Variants in TMEM231 observed in about 807,000 individuals in gnomAD.
TMEM231 encodes transmembrane protein 231.
Under a neutral mutation model 38.5 loss-of-function variants are expected in TMEM231, and 40 were observed. The ratio of observed to expected loss-of-function variants is 1.04; its 90% CI spans 0.81 to 1.35. The LOEUF (loss-of-function observed/expected upper bound fraction) is 1.35. Ranked by LOEUF, TMEM231 falls within the 40% of genes most tolerant of loss-of-function variation. The pLI is 0.00. For missense variants in TMEM231, 420 were observed against 416.9 expected (o/e 1.01, Z -0.07); for synonymous variants, 199 against 181.7 (o/e 1.10, Z -0.77).
At position 75,537,245 on chromosome 16, in the gene TMEM231, T is replaced by C. The variant is rs2080569365; in HGVS notation, c.*2749A>G. Reference sequence around the variant, plus strand: ...CCCCAGGTTGTACAATTTAGCTATATACGAAACCCATACATATACCCCATG... The same window carrying C: ...CCCCAGGTTGTACAATTTAGCTATACACGAAACCCATACATATACCCCATG... On this transcript the variant is annotated 3_prime_UTR_variant, in exon 7 of 7. Transcript: ENST00000258173. 6.6e-6 allele frequency: 1 copy of C among 151,360 alleles called. No individual in the cohort carries two copies. The highest frequency in any genetic ancestry group is 1.5e-5 in the Non-Finnish European group (1 of 67,994). The allele number at this position is 151,360 out of a possible 1,614,324, so 9.4% of individuals were successfully genotyped here.
intron 2 of TMEM231, 181 bp downstream of exon 2, chr16:75,555,623 T>A: frequency 3.5e-6 from 2 of 574,298 alleles, no homozygotes; most frequent in Non-Finnish European, 5.7e-6. Context: ...AGAAGCAGAA[T>A]GAAACAGAAG....
Position 75,537,706 on chromosome 16 carries a change from C to T in TMEM231, c.*2288G>A, listed in dbSNP as rs2080574737. The T allele has an allele frequency of 6.6e-6, 1 of 152,154 alleles. No individual in the cohort carries two copies. The highest frequency in any genetic ancestry group is 6.5e-5 in the Admixed American group (1 of 15,274). 9.4% of individuals were successfully genotyped at this position (152,154 alleles called of 1,614,324 possible). On this transcript the variant is annotated 3_prime_UTR_variant, in exon 7 of 7. Coordinates refer to ENST00000258173, the MANE Select transcript of TMEM231 (RefSeq NM_001077418.3). ...TTCACCATGTTGGCCAGGATGGTCTCGATCTCCTGACCTTGTGATTCACCC... is the reference window on the plus strand; with the variant it reads ...TTCACCATGTTGGCCAGGATGGTCTTGATCTCCTGACCTTGTGATTCACCC...
chr16:75,538,169 TCA>T lies in TMEM231; in HGVS notation c.*1823_*1824del, dbSNP rs2080579855. Reference sequence around the variant, plus strand: ...TTTATTTATTTTAACAGATAGGGTCTCACTCTGTCACCCAGGCTACAGTACAG... The same window carrying T: ...TTTATTTATTTTAACAGATAGGGTCTCTCTGTCACCCAGGCTACAGTACAG... On this transcript the variant is annotated 3_prime_UTR_variant, in exon 7 of 7. Coordinates refer to ENST00000258173, the MANE Select transcript of TMEM231 (RefSeq NM_001077418.3). 1 of 152,178 alleles carries T rather than the reference TCA, an allele frequency of 6.6e-6. No homozygotes were observed. Among genetic ancestry groups the T allele is most frequent in the Non-Finnish European group, 1.5e-5 (1 of 68,046 alleles). 9.4% of individuals were successfully genotyped at this position (152,178 alleles called of 1,614,324 possible).
chr16:75,556,001 G>T, intron 1 of TMEM231, 28 bp from the exon 2 acceptor site: 2 of 1,586,854 alleles, frequency 1.3e-6, no homozygotes, highest in East Asian at 2.3e-5. Flanking sequence ...GTAGGGAGGC[G>T]GTTAGGGAGG....
In TMEM231 at chr16:75,555,975, T is replaced by C. The variant is rs1216670609; in HGVS notation, c.140-2A>G. On this transcript the variant is annotated splice_acceptor_variant, in intron 1 of 6. Transcript: ENST00000258173. LOFTEE classifies it high-confidence loss of function. ...AGCTGCTCCGCTTCAGCCAAAACCC[T>C]GAGTTAAAGAGGGCGGTAGGGAGGC... The C allele has an allele frequency of 6.2e-7, 1 of 1,600,920 alleles. No individual in the cohort carries two copies. The highest frequency in any genetic ancestry group is 8.5e-7 in the Non-Finnish European group (1 of 1,173,948).
chr16:75,549,157 T>C (rs1325121095), intron 2 of TMEM231, among the ~76,000 whole-genome samples: 1 of 152,224 alleles, frequency 6.6e-6, no homozygotes, highest in Non-Finnish European at 1.5e-5. Flanking sequence ...CTCACCCTCC[T>C]GGGGCTGGCG....
At position 75,542,438 on chromosome 16, in the gene TMEM231, A is replaced by C. The variant is rs964942653; in HGVS notation, c.664+164T>G. The C allele has an allele frequency of 2.4e-4, 163 of 679,172 alleles. No individual in the cohort carries two copies. In the African/African-American group the frequency reaches 2.6e-3, roughly 11 times the overall value. 42.1% of individuals were successfully genotyped at this position (679,172 alleles called of 1,614,324 possible). A position where few individuals can be genotyped will look rare whatever the true frequency, so the allele number is the denominator to read the frequency against. ...GGGGGCGGTCCCAGGTCTGAAGATCAGGACGAAAAAGACAAATCCTGGACA... is the reference window on the plus strand; with the variant it reads ...GGGGGCGGTCCCAGGTCTGAAGATCCGGACGAAAAAGACAAATCCTGGACA... On this transcript the variant is annotated intron_variant, in intron 5 of 6. Transcript: ENST00000258173.
chr16:75,552,144 G>A (rs2080769693), intron 2 of TMEM231, among the ~76,000 whole-genome samples: 1 of 151,922 alleles, frequency 6.6e-6, no homozygotes, highest in South Asian at 2.1e-4. Context: ...AGCATTAAAA[G>A]AAAAACAAAA....
chr16:75,555,953 T>C lies in TMEM231; in HGVS notation c.160A>G (p.Ser54Gly). 1 of 1,604,158 alleles carries C rather than the reference T, an allele frequency of 6.2e-7. No homozygotes were observed. Residue 54 changes from serine (S) to glycine (G), a missense_variant, in exon 2 of 7, where the codon AGC becomes GGC. Ser to Gly is a moderately conservative substitution (Grantham distance 56). Transcript: ENST00000258173. ...CGCACGGTCGGCTGCTCCTCGTAGC[T>C]GCTCCGCTTCAGCCAAAACCCTGAG... ...RSHGFWLKRS[S>G]YEEQPTVRFQ... is the part of the protein sequence containing the mutation.
intron 2 of TMEM231, among the ~76,000 whole-genome samples, chr16:75,553,756 C>G (rs1331997427): frequency 1.3e-5 from 2 of 151,942 alleles, no homozygotes; most frequent in East Asian, 3.9e-4. Flanking sequence ...CTCCTGGGCT[C>G]AAGCAATCCT....
rs1020999996 is a variant in TMEM231, at chr16:75,537,852, T to C, written c.*2142A>G. 6.6e-6 allele frequency: 1 copy of C among 152,228 alleles called. No homozygotes were observed. Among genetic ancestry groups the C allele is most frequent in the African/African-American group, 2.4e-5 (1 of 41,474 alleles). The allele number at this position is 152,228 out of a possible 1,614,324, so 9.4% of individuals were successfully genotyped here. A position where few individuals can be genotyped will look rare whatever the true frequency, so the allele number is the denominator to read the frequency against. On this transcript the variant is annotated 3_prime_UTR_variant, in exon 7 of 7. Coordinates refer to ENST00000258173, the MANE Select transcript of TMEM231 (RefSeq NM_001077418.3). The stretch of plus-strand genomic sequence containing the variant: ...AGTCAGAAACTATCAACATCTGGTC[T>C]GTAAATAATTTCATATTCACCAGAC...
intron 4 of TMEM231, among the ~76,000 whole-genome samples, chr16:75,543,030 T>C (rs2080645748): frequency 6.6e-6 from 1 of 152,246 alleles, no homozygotes; most frequent in Admixed American, 6.5e-5. Context: ...GTTTTAAAGC[T>C]ATTTTTAAAA....
At position 75,538,098 on chromosome 16, in the gene TMEM231, G is replaced by A. The variant is rs552230338; in HGVS notation, c.*1896C>T. On this transcript the variant is annotated 3_prime_UTR_variant, in exon 7 of 7. Coordinates refer to ENST00000258173, the MANE Select transcript of TMEM231 (RefSeq NM_001077418.3). ...TTTGCCATTCCAAACCCTTTCCCTC[G>A]AAAAAGGTACATGTGATCTTCCATT... 3.0e-4 allele frequency: 45 copies of A among 152,074 alleles called. No homozygotes were observed. In the East Asian group the frequency reaches 3.3e-3, roughly 11 times the overall value. 9.4% of individuals were successfully genotyped at this position (152,074 alleles called of 1,614,324 possible). A position where few individuals can be genotyped will look rare whatever the true frequency, so the allele number is the denominator to read the frequency against.
rs1315252445 is a variant in TMEM231 at position 75,556,057 on chromosome 16, C to T, written c.139+14G>A. 6.4e-7 allele frequency: 1 copy of T among 1,565,678 alleles called. No homozygotes were observed. The highest frequency in any genetic ancestry group is 1.9e-5 in the Admixed American group (1 of 52,764). ...CCGGGGAGCCTCGTGGCACAGCGGC[C>T]GGGGCAGGCTCACCGTGGCTCCGGA... On this transcript the variant is annotated intron_variant, in intron 1 of 6. Transcript: ENST00000258173.
In TMEM231 at chr16:75,545,453, A is replaced by T. The variant is rs777631968; in HGVS notation, c.481T>A (p.Ser161Thr). The stretch of plus-strand genomic sequence containing the variant: ...TGGGATCCCGGGACAGGAAAGGAGG[A>T]CTGGAGAAACGCCATGCTCTGCATC... ...LVMQSMAFLQSSFPVPGSQLY... is the reference protein window; with the variant it reads ...LVMQSMAFLQTSFPVPGSQLY... Residue 161 changes from serine to threonine, a missense_variant, in exon 4 of 7, where the codon TCC (serine) becomes ACC (threonine). Coordinates refer to ENST00000258173, the MANE Select transcript of TMEM231 (RefSeq NM_001077418.3). 1 of 1,599,384 alleles carries T rather than the reference A, an allele frequency of 6.3e-7. No individual in the cohort carries two copies. The highest frequency in any genetic ancestry group is 8.5e-7 in the Non-Finnish European group (1 of 1,171,688).
At chr16:75,548,694 C>A (rs2151705050) in intron 2 of TMEM231, among the ~76,000 whole-genome samples, 1 of 152,228 alleles carries the variant, frequency 6.6e-6, no homozygotes, top group East Asian at 1.9e-4. Context: ...CATGGCGATA[C>A]CCTGCCTCTA....
intron 6 of TMEM231, 124 bp from the exon 7 acceptor site, chr16:75,540,298 A>C (rs1444897442): frequency 1.1e-6 from 1 of 943,174 alleles, no homozygotes. Flanking sequence ...ACACACCCAG[A>C]TGGAAGCTGA....
rs780752063 is a variant in TMEM231 at position 75,556,217 on chromosome 16, G to T, written c.-8C>A. 62 of 1,404,112 alleles carry T rather than the reference G, an allele frequency of 4.4e-5. No homozygotes were observed. The highest frequency in any genetic ancestry group is 5.6e-5 in the Non-Finnish European group (61 of 1,084,732). The allele number at this position is 1,404,112 out of a possible 1,614,324, so 87.0% of individuals were successfully genotyped here. On this transcript the variant is annotated 5_prime_UTR_variant, in exon 1 of 7. Transcript: ENST00000258173. ...GAGCTCATAGAGCGCCATGAGCACC[G>T]CTCGCAGGCACTCCGCGAGCCGGGG...
chr16:75,544,080 T>G (rs1025689569), intron 4 of TMEM231, among the ~76,000 whole-genome samples: 1 of 152,252 alleles, frequency 6.6e-6, no homozygotes, highest in African/African-American at 2.4e-5. Flanking sequence ...ATTAATCACT[T>G]TAAGCCCCAG....
Sources: allele counts gnomAD v4.1 joint callset (sites outside exome capture counted in the v4.1 genomes callset), GRCh38; gene constraint gnomAD v4.1.1; transcripts MANE v1.5; gene names NCBI Gene and HGNC (gene_info 2026-07-23, HGNC 2026-07-21).